Variants in EBF3 observed in about 807,000 individuals in gnomAD.
The protein encoded by EBF3 is EBF transcription factor 3.
EBF3 carries 18 observed loss-of-function variants against 77.1 expected under a neutral mutation model. The observed-to-expected ratio is 0.23, with a 90% CI of 0.16 to 0.35. The LOEUF (loss-of-function observed/expected upper bound fraction) is 0.35, where lower values mean the gene tolerates loss of function less well. Among genes scored for constraint, EBF3 ranks in the 10% least tolerant of loss-of-function variants. The pLI is 1.00. For missense variants in EBF3, 558 were observed against 860.0 expected (o/e 0.65, Z 4.39); for synonymous variants, 350 against 343.5 (o/e 1.02, Z -0.21).
At chr10:129,850,045 G>A (rs532515729) in intron 10 of EBF3, among the ~76,000 whole-genome samples, 42 of 152,372 alleles carry the variant, frequency 2.8e-4, no homozygotes, top group Admixed American at 5.9e-4. Context: ...GGGCGCGTGC[G>A]CAGTCGCCCA....
intron 6 of EBF3, among the ~76,000 whole-genome samples, chr10:129,916,064 G>C (rs1855866815): frequency 6.6e-6 from 1 of 152,244 alleles, no homozygotes; most frequent in African/African-American, 2.4e-5. Flanking sequence ...GGCTCCGAGG[G>C]GGAAGGAGAG....
intron 6 of EBF3, among the ~76,000 whole-genome samples, chr10:129,942,896 C>T (rs969901542): frequency 6.6e-6 from 1 of 152,174 alleles, no homozygotes; most frequent in Non-Finnish European, 1.5e-5. Context: ...CAGGTACAGG[C>T]GTTTGTTTTG....
intron 6 of EBF3, among the ~76,000 whole-genome samples, chr10:129,892,369 TATAAAACTGTTGTC>T (rs1211309810): frequency 1.3e-5 from 2 of 152,234 alleles, no homozygotes; most frequent in Admixed American, 1.3e-4. Context: ...TCAATTTCCA[TATAAAACTGTTGTC>T]ATTGGAACCA....
chr10:129,927,999 C>A (rs1856785035), intron 6 of EBF3, among the ~76,000 whole-genome samples: 1 of 152,210 alleles, frequency 6.6e-6, no homozygotes, highest in African/African-American at 2.4e-5. Flanking sequence ...TCTCCAGGCC[C>A]CCACTGTCTG....
At position 129,836,991 on chromosome 10, in the gene EBF3, T is replaced by C. The variant is rs1849651113; in HGVS notation, c.*952A>G. On this transcript the variant is annotated 3_prime_UTR_variant, in exon 17 of 17. Transcript: ENST00000440978. ...GGATCTGAAAAAAATTCAAGACAAG[T>C]GTATAAATATTTAGCTACAACTTTG... 1 of 152,578 alleles carries C rather than the reference T, an allele frequency of 6.6e-6. No individual in the cohort carries two copies. The highest frequency in any genetic ancestry group is 1.5e-5 in the Non-Finnish European group (1 of 68,030). The allele number at this position is 152,578 out of a possible 1,614,324, so 9.5% of individuals were successfully genotyped here. A position where few individuals can be genotyped will look rare whatever the true frequency, so the allele number is the denominator to read the frequency against.
rs775988240 is a variant in EBF3 at position 129,963,307 on chromosome 10, G to A, written c.291+60C>T. The stretch of plus-strand genomic sequence containing the variant: ...GGGGGCACTCGAACCCCCGCGCACC[G>A]GCACCGCCTGCCTCCCGCTTCTAGA... On this transcript the variant is annotated intron_variant, in intron 2 of 16. Coordinates refer to ENST00000440978, the MANE Select transcript of EBF3 (RefSeq NM_001375380.1). This position sits in a 1 kb window ranked among gnomAD's most constrained non-coding sequence, Gnocchi z 7.1. 1 of 1,547,362 alleles carries A rather than the reference G, an allele frequency of 6.5e-7. No homozygotes were observed.
chr10:129,919,074 G>A (rs576691615), intron 6 of EBF3, among the ~76,000 whole-genome samples: 3 of 152,322 alleles, frequency 2.0e-5, no homozygotes, highest in South Asian at 4.1e-4. Context: ...GACTCTCTCT[G>A]TCCCCGAGGT....
intron 6 of EBF3, among the ~76,000 whole-genome samples, chr10:129,896,900 C>T (rs1392951980): frequency 6.6e-6 from 1 of 152,172 alleles, no homozygotes; most frequent in African/African-American, 2.4e-5. Flanking sequence ...AGCCTGCCCA[C>T]GCCGCCACCC....
chr10:129,836,038 G>A lies in EBF3; in HGVS notation c.*1905C>T, dbSNP rs1426536500. On this transcript the variant is annotated 3_prime_UTR_variant, in exon 17 of 17. Transcript: ENST00000440978. Reference sequence around the variant, plus strand: ...GGTCCCCCTGAAACCTCTGTGAATCGGAGGTGGGCCCAGGAGGGTGCAGGA... The same window carrying A: ...GGTCCCCCTGAAACCTCTGTGAATCAGAGGTGGGCCCAGGAGGGTGCAGGA... 9 of 152,700 alleles carry A rather than the reference G, an allele frequency of 5.9e-5. No individual in the cohort carries two copies. The highest frequency in any genetic ancestry group is 2.6e-4 in the Admixed American group (4 of 15,290). 9.5% of individuals were successfully genotyped at this position (152,700 alleles called of 1,614,324 possible).
intron 10 of EBF3, among the ~76,000 whole-genome samples, chr10:129,849,400 A>T (rs1202908414): frequency 6.6e-6 from 1 of 152,206 alleles, no homozygotes; most frequent in Admixed American, 6.5e-5. Context: ...GACTAATAAG[A>T]CCTGCCACCA....
chr10:129,944,963 G>A lies in EBF3; in HGVS notation c.554+12295C>T, dbSNP rs901237967. Among the ~76,000 whole-genome samples the A allele has an allele frequency of 6.7e-6, 1 of 148,484 alleles. No homozygotes were observed. Among genetic ancestry groups the A allele is most frequent in the Non-Finnish European group, 1.5e-5 (1 of 67,626 alleles). On this transcript the variant is annotated intron_variant, in intron 6 of 16. Transcript: ENST00000440978. The surrounding 1 kb of genome is among the most constrained non-coding windows in gnomAD (Gnocchi z 5.1). ...AGAATAAACTGTACTTGACATTTAT[G>A]TACCATGATGCATTTCTTGGTAAAC...
intron 6 of EBF3, among the ~76,000 whole-genome samples, chr10:129,923,362 G>T (rs1215154800): frequency 2.0e-5 from 3 of 152,148 alleles, no homozygotes; most frequent in African/African-American, 7.2e-5. Flanking sequence ...GAACAAAGCT[G>T]GAACTCACAC....
At position 129,963,836 on chromosome 10, in the gene EBF3, T is replaced by G. The variant is rs1859731955; in HGVS notation, c.-68A>C. The G allele has an allele frequency of 9.0e-6, 13 of 1,449,696 alleles. 1 individual carries two copies. The South Asian group carries it at 1.4e-4, about 16-fold the overall frequency. The allele number at this position is 1,449,696 out of a possible 1,614,324, so 89.8% of individuals were successfully genotyped here. The stretch of plus-strand genomic sequence containing the variant: ...TCCTCGAGCAGCGGCGCTCGGGGCT[T>G]GGCGGCAGGCGGCTGCCCTGGCCGC... On this transcript the variant is annotated 5_prime_UTR_variant, in exon 1 of 17. Coordinates refer to ENST00000440978, the MANE Select transcript of EBF3 (RefSeq NM_001375380.1). This position sits in a 1 kb window ranked among gnomAD's most constrained non-coding sequence, Gnocchi z 7.1.
chr10:129,955,205 C>T (rs1858949756), intron 6 of EBF3, among the ~76,000 whole-genome samples: 1 of 152,174 alleles, frequency 6.6e-6, no homozygotes, highest in Non-Finnish European at 1.5e-5. Flanking sequence ...TAAAAATGTA[C>T]ATTGTATTTG....
Position 129,840,333 on chromosome 10 carries a change from C to G in EBF3, c.1671G>C (p.Val557=). 1 of 1,586,172 alleles carries G rather than the reference C, an allele frequency of 6.3e-7. No homozygotes were observed. The highest frequency in any genetic ancestry group is 1.3e-5 in the African/African-American group (1 of 74,702). ...SFSPANVISA[V]KQKSAFAPVV... ...CGGGCGCGAAGGCGCTCTTCTGTTTCACTGCGGAGATGACATTGGCAGGTG... is the reference window on the plus strand; with the variant it reads ...CGGGCGCGAAGGCGCTCTTCTGTTTGACTGCGGAGATGACATTGGCAGGTG... The change falls in exon 15 of 17, where the codon GTG becomes GTC. Residue 557 remains valine, a synonymous_variant. Coordinates refer to ENST00000440978, the MANE Select transcript of EBF3 (RefSeq NM_001375380.1).
intron 6 of EBF3, among the ~76,000 whole-genome samples, chr10:129,930,535 C>T (rs1856940887): frequency 1.4e-5 from 2 of 146,832 alleles, no homozygotes; most frequent in African/African-American, 2.6e-5. Flanking sequence ...TTAACAAATC[C>T]CCCTCTCATA....
At chr10:129,867,101 C>T in intron 10 of EBF3, 40 bp downstream of exon 10, 9 of 1,600,944 alleles carry the variant, frequency 5.6e-6, no homozygotes, top group Non-Finnish European at 7.7e-6. Context: ...GGGAGGAGGC[C>T]TCTACCGCTT....
intron 6 of EBF3, among the ~76,000 whole-genome samples, chr10:129,918,527 T>C (rs1169339059): frequency 3.3e-5 from 5 of 152,206 alleles, no homozygotes; most frequent in Admixed American, 3.3e-4. Flanking sequence ...CCATTTCTGC[T>C]TCCCTCAGCA....
At position 129,863,165 on chromosome 10, in the gene EBF3, G is replaced by A. The variant is rs1037964820; in HGVS notation, c.1039+3976C>T. On this transcript the variant is annotated intron_variant, in intron 10 of 16. Coordinates refer to ENST00000440978, the MANE Select transcript of EBF3 (RefSeq NM_001375380.1). This position sits in a 1 kb window ranked among gnomAD's most constrained non-coding sequence, Gnocchi z 4.0. ...TTAATTCTGCTCCTAAGTGCTAGCC[G>A]CTTGAAAATTGTTCTCTCTCTCTAA... 1.3e-5 allele frequency among the ~76,000 whole-genome samples: 2 copies of A among 152,176 alleles called. No homozygotes were observed.
Sources: allele counts gnomAD v4.1 joint callset (sites outside exome capture counted in the v4.1 genomes callset), GRCh38; gene constraint gnomAD v4.1.1; non-coding constraint Gnocchi (gnomAD v3.1); transcripts MANE v1.5; gene names NCBI Gene and HGNC (gene_info 2026-07-23, HGNC 2026-07-21).